SH3GL2: variants seen among roughly 807,000 people sequenced by gnomAD.
SH3GL2 encodes the protein SH3 domain containing GRB2 like 2, endophilin A1.
Under a neutral mutation model 46.0 loss-of-function variants are expected in SH3GL2, and 24 were observed. That is an observed-to-expected ratio of 0.52 (90% CI 0.38 to 0.73). The LOEUF is 0.73. SH3GL2 is among the 30% of genes least tolerant of loss of function. The pLI, the probability that SH3GL2 is intolerant of heterozygous loss-of-function variation, is 0.00. For synonymous variants in SH3GL2, 196 were observed against 147.1 expected (o/e 1.33, Z -2.40); for missense variants, 413 against 424.2 (o/e 0.97, Z 0.23).
At chr9:17,615,246 G>T (rs1425213706) in intron 1 of SH3GL2, among the ~76,000 whole-genome samples, 1 of 152,144 alleles carries the variant, frequency 6.6e-6, no homozygotes, top group Non-Finnish European at 1.5e-5. Context: ...TGTTTACTGG[G>T]ATATTTTAGG....
chr9:17,671,234 A>G (rs1352305783), intron 1 of SH3GL2, among the ~76,000 whole-genome samples: 1 of 152,168 alleles, frequency 6.6e-6, no homozygotes, highest in African/African-American at 2.4e-5. Flanking sequence ...TAATTTATTC[A>G]TCAGATTTTA....
At chr9:17,738,661 G>GAGAGAC (rs201011362) in intron 1 of SH3GL2, among the ~76,000 whole-genome samples, 7,624 of 131,998 alleles carry the variant, frequency 0.058, 325 homozygotes, top group East Asian at 0.084. Flanking sequence ...GAGAGAGAGA[G>GAGAGAC]AGAGAGAGAG....
At chr9:17,645,151 CTTTTT>C (rs57611978) in intron 1 of SH3GL2, among the ~76,000 whole-genome samples, 140 of 68,670 alleles carry the variant, frequency 2.0e-3, no homozygotes, top group African/African-American at 2.3e-3. Context: ...GCAAACGCTG[CTTTTT>C]TTTTTTTTTT....
intron 1 of SH3GL2, among the ~76,000 whole-genome samples, chr9:17,639,137 C>T (rs555804088): frequency 6.6e-6 from 1 of 152,134 alleles, no homozygotes; most frequent in Non-Finnish European, 1.5e-5. Context: ...CATTTTCTCT[C>T]ATGACATTAG....
intron 1 of SH3GL2, chr9:17,630,527 C>G (rs1819396843): frequency 6.6e-6 from 1 of 152,204 alleles, no homozygotes; most frequent in South Asian, 2.1e-4. Context: ...GGAGTGACGT[C>G]AAGTAGACTG....
chr9:17,750,713 G>A (rs528726327), intron 2 of SH3GL2, among the ~76,000 whole-genome samples: 3 of 152,156 alleles, frequency 2.0e-5, no homozygotes, highest in Non-Finnish European at 4.4e-5. Flanking sequence ...GAGGAAGTTC[G>A]GAAATTTGAA....
At chr9:17,747,027 C>T (rs1025661571) in intron 1 of SH3GL2, 39 bp from the exon 2 acceptor site, 25 of 1,348,896 alleles carry the variant, frequency 1.9e-5, no homozygotes, top group Non-Finnish European at 2.5e-5. Context: ...TTTAAAGAAA[C>T]TGTTTATAAT....
chr9:17,620,026 T>A (rs1223987208), intron 1 of SH3GL2, among the ~76,000 whole-genome samples: 1 of 152,142 alleles, frequency 6.6e-6, no homozygotes. Flanking sequence ...TTAGTATGAT[T>A]TTTTTTAAAT....
intron 1 of SH3GL2, among the ~76,000 whole-genome samples, chr9:17,609,743 A>G (rs142938345): frequency 1.3e-5 from 2 of 152,352 alleles, no homozygotes; most frequent in East Asian, 3.9e-4. Flanking sequence ...AAAGTTGCAG[A>G]TCATACTGCA....
chr9:17,788,789 C>A (rs1824034815), intron 5 of SH3GL2, among the ~76,000 whole-genome samples: 2 of 152,094 alleles, frequency 1.3e-5, no homozygotes, highest in Non-Finnish European at 2.9e-5. Flanking sequence ...GATTTAGTTT[C>A]TCTGGTGACA....
At chr9:17,769,086 C>T (rs760114896) in intron 3 of SH3GL2, among the ~76,000 whole-genome samples, 8 of 152,178 alleles carry the variant, frequency 5.3e-5, no homozygotes, top group Admixed American at 3.9e-4. Flanking sequence ...GGGGTCTCTG[C>T]TCAAATGTCA....
At chr9:17,613,226 G>T (rs1325185451) in intron 1 of SH3GL2, among the ~76,000 whole-genome samples, 1 of 152,148 alleles carries the variant, frequency 6.6e-6, no homozygotes, top group African/African-American at 2.4e-5. Context: ...GATAGTAGAA[G>T]TATTGTTAAA....
At chr9:17,760,650 C>G (rs1238865063) in intron 2 of SH3GL2, among the ~76,000 whole-genome samples, 1 of 152,090 alleles carries the variant, frequency 6.6e-6, no homozygotes. Context: ...ATACCTATGT[C>G]ATATATTACA....
At chr9:17,691,672 A>T (rs1821082315) in intron 1 of SH3GL2, among the ~76,000 whole-genome samples, 1 of 152,132 alleles carries the variant, frequency 6.6e-6, no homozygotes, top group Non-Finnish European at 1.5e-5. Context: ...AATTGATGGG[A>T]TTTGCAGTCA....
intron 1 of SH3GL2, among the ~76,000 whole-genome samples, chr9:17,640,275 G>A (rs189543893): frequency 6.6e-6 from 1 of 151,752 alleles, no homozygotes; most frequent in African/African-American, 2.4e-5. Flanking sequence ...TAATAATAAA[G>A]GATTATTTTT....
intron 1 of SH3GL2, among the ~76,000 whole-genome samples, chr9:17,614,952 C>A (rs980602521): frequency 2.6e-5 from 4 of 152,166 alleles, no homozygotes; most frequent in African/African-American, 9.7e-5. Context: ...GGTATAGGGG[C>A]AAGCTTCTGT....
At chr9:17,723,956 G>A (rs558019198) in intron 1 of SH3GL2, among the ~76,000 whole-genome samples, 5 of 152,100 alleles carry the variant, frequency 3.3e-5, no homozygotes, top group African/African-American at 1.2e-4. Context: ...TGAAGTGTCT[G>A]GTGTGGTTCT....
chr9:17,655,005 T>C (rs1473440521), intron 1 of SH3GL2, among the ~76,000 whole-genome samples: 1 of 152,202 alleles, frequency 6.6e-6, no homozygotes, highest in African/African-American at 2.4e-5. Flanking sequence ...CAGTTGTTCA[T>C]AGATCAAATA....
At chr9:17,638,614 G>C (rs1026379045) in intron 1 of SH3GL2, among the ~76,000 whole-genome samples, 1 of 152,200 alleles carries the variant, frequency 6.6e-6, no homozygotes, top group Non-Finnish European at 1.5e-5. Flanking sequence ...ACTGCCACCA[G>C]TACTCTCCTC....
Sources: allele counts gnomAD v4.1 joint callset (sites outside exome capture counted in the v4.1 genomes callset), GRCh38; gene constraint gnomAD v4.1.1; transcripts MANE v1.5; gene names NCBI Gene and HGNC (gene_info 2026-07-23, HGNC 2026-07-21).